The following AIF1L variants were observed in gnomAD, a reference collection of about 807,000 sequenced individuals.
AIF1L encodes allograft inflammatory factor 1 like, also known as allograft inflammatory factor 1-like.
AIF1L carries 12 observed loss-of-function variants against 20.7 expected under a neutral mutation model. The ratio of observed to expected loss-of-function variants is 0.58; its 90% CI spans 0.37 to 0.94. The LOEUF (loss-of-function observed/expected upper bound fraction) is 0.94. Ranked by LOEUF, AIF1L falls within the 40% of genes least tolerant of loss-of-function variation. The pLI is 0.01. For synonymous variants in AIF1L, 76 were observed against 65.1 expected (o/e 1.17, Z -0.81); for missense variants, 173 against 185.3 (o/e 0.93, Z 0.39).
At chr9:131,112,030 C>T (rs181000181) in intron 3 of AIF1L, 374 of 243,644 alleles carry the variant, frequency 1.5e-3, no homozygotes, top group African/African-American at 7.7e-3. Context: ...GCCTCTCCCC[C>T]TCCCCAGCAG....
chr9:131,121,224 T>A lies in AIF1L; in HGVS notation c.*902T>A, dbSNP rs1831131685. ...TACAAGGTTGCTTGTCTGACCCCAA[T>A]CTGCTTGAAACCTGACTCTGCTTCT... is the stretch of plus-strand genomic sequence containing the variant. On this transcript the variant is annotated 3_prime_UTR_variant, in exon 6 of 6. Coordinates refer to ENST00000247291, the MANE Select transcript of AIF1L (RefSeq NM_031426.4). 1 of 663,336 alleles carries A rather than the reference T, an allele frequency of 1.5e-6. No individual in the cohort carries two copies. The highest frequency in any genetic ancestry group is 1.8e-5 in the African/African-American group (1 of 56,408). The allele number at this position is 663,336 out of a possible 1,614,324, so 41.1% of individuals were successfully genotyped here. A position where few individuals can be genotyped will look rare whatever the true frequency, so the allele number is the denominator to read the frequency against.
rs1231517508 is a variant in AIF1L, at chr9:131,121,081, A to C, written c.*759A>C. On this transcript the variant is annotated 3_prime_UTR_variant, in exon 6 of 6. Transcript: ENST00000247291. ...AGTGAGGCCTGGGGTTTTGGGGGAAAGGTCAGCTCAGTGCTGTTCCACCTT... is the reference window on the plus strand; with the variant it reads ...AGTGAGGCCTGGGGTTTTGGGGGAACGGTCAGCTCAGTGCTGTTCCACCTT... 2 of 712,178 alleles carry C rather than the reference A, an allele frequency of 2.8e-6. No homozygotes were observed. The highest frequency in any genetic ancestry group is 1.7e-5 in the African/African-American group (1 of 57,334). The allele number at this position is 712,178 out of a possible 1,614,324, so 44.1% of individuals were successfully genotyped here.
At chr9:131,103,402 G>T (rs1421437520) in intron 2 of AIF1L, among the ~76,000 whole-genome samples, 1 of 152,138 alleles carries the variant, frequency 6.6e-6, no homozygotes, top group East Asian at 1.9e-4. Context: ...CCCTTCCCCC[G>T]CACACACACC....
chr9:131,101,055 G>A (rs772716805), intron 2 of AIF1L, among the ~76,000 whole-genome samples: 8 of 151,808 alleles, frequency 5.3e-5, no homozygotes, highest in Admixed American at 1.3e-4. Context: ...GCACCACCAC[G>A]CCCGGCTAAT....
chr9:131,104,105 A>AC (rs968342706), intron 2 of AIF1L, among the ~76,000 whole-genome samples: 2 of 151,574 alleles, frequency 1.3e-5, no homozygotes, highest in African/African-American at 2.4e-5. Context: ...CCTGTGTGTC[A>AC]CCCCCCAGCT....
chr9:131,111,845 C>A, intron 3 of AIF1L, 182 bp downstream of exon 3: 1 of 581,604 alleles, frequency 1.7e-6, no homozygotes. Context: ...GAGGCCCCTC[C>A]ACCTGCCTCC....
chr9:131,099,995 A>G (rs934592270), intron 2 of AIF1L, among the ~76,000 whole-genome samples: 6 of 151,992 alleles, frequency 3.9e-5, no homozygotes, highest in African/African-American at 1.4e-4. Context: ...CCAAAGTGCT[A>G]GGATTACAGG....
intron 2 of AIF1L, chr9:131,111,317 G>A: frequency 5.3e-6 from 2 of 376,182 alleles, no homozygotes; most frequent in Non-Finnish European, 9.6e-6. Flanking sequence ...GAGGGGCACG[G>A]GTCCCAGCAT....
chr9:131,106,307 G>A lies in AIF1L; in HGVS notation c.94-5290G>A, dbSNP rs1335919586. On this transcript the variant is annotated intron_variant, in intron 2 of 5. Transcript: ENST00000247291. The stretch of plus-strand genomic sequence containing the variant: ...GAGTCTCAACTCCTCCACTCATCCT[G>A]CACATGTTTATTGAGCGTCTGCTAT... 8.9e-6 allele frequency: 12 copies of A among 1,352,086 alleles called. No individual in the cohort carries two copies. The South Asian group carries it at 1.0e-4, about 11-fold the overall frequency. 83.8% of individuals were successfully genotyped at this position (1,352,086 alleles called of 1,614,324 possible).
At chr9:131,118,998 G>A (rs552421939) in intron 5 of AIF1L, among the ~76,000 whole-genome samples, 32 of 152,332 alleles carry the variant, frequency 2.1e-4, no homozygotes, top group African/African-American at 7.5e-4. Context: ...TTAGGTCTGC[G>A]AGTCTCAGTT....
rs557223276 is a variant in AIF1L at position 131,121,334 on chromosome 9, T to C, written c.*1012T>C. ...TATTTATTGACCTGCTATTATAAGCTTTACATCCTCCCATGTTGTCCTGGC... is the reference window on the plus strand; with the variant it reads ...TATTTATTGACCTGCTATTATAAGCCTTACATCCTCCCATGTTGTCCTGGC... On this transcript the variant is annotated 3_prime_UTR_variant, in exon 6 of 6. Transcript: ENST00000247291. The C allele has an allele frequency of 3.6e-6, 2 of 548,130 alleles. No homozygotes were observed. Among genetic ancestry groups the C allele is most frequent in the Non-Finnish European group, 6.6e-6 (2 of 305,070 alleles). The allele number at this position is 548,130 out of a possible 1,614,324, so 34.0% of individuals were successfully genotyped here.
At chr9:131,118,249 T>C (rs571958046) in intron 5 of AIF1L, among the ~76,000 whole-genome samples, 87 of 151,864 alleles carry the variant, frequency 5.7e-4, no homozygotes, top group African/African-American at 2.1e-3. Flanking sequence ...TGCACCACTA[T>C]GCTTGGCTAA....
At chr9:131,103,171 C>T (rs1830674689) in intron 2 of AIF1L, among the ~76,000 whole-genome samples, 1 of 152,194 alleles carries the variant, frequency 6.6e-6, no homozygotes, top group South Asian at 2.1e-4. Flanking sequence ...GCATCAGAGG[C>T]TGTAGGTGAC....
chr9:131,100,227 G>A (rs1031078699), intron 2 of AIF1L, among the ~76,000 whole-genome samples: 14 of 152,122 alleles, frequency 9.2e-5, no homozygotes, highest in African/African-American at 3.1e-4. Context: ...TTATTATAAG[G>A]GATTCAAGAG....
intron 5 of AIF1L, among the ~76,000 whole-genome samples, chr9:131,119,565 A>G (rs1831092097): frequency 6.6e-6 from 1 of 152,066 alleles, no homozygotes; most frequent in African/African-American, 2.4e-5. Context: ...ATGAAATAAG[A>G]TTCACTTTTT....
chr9:131,111,433 A>G, intron 2 of AIF1L, 164 bp from the exon 3 acceptor site: 1 of 682,970 alleles, frequency 1.5e-6, no homozygotes, highest in Non-Finnish European at 2.6e-6. Context: ...GCCAGTGCAG[A>G]TCTGCCTCCA....
At chr9:131,111,776 C>T (rs2133393387) in intron 3 of AIF1L, 113 bp downstream of exon 3, 1 of 1,071,080 alleles carries the variant, frequency 9.3e-7, no homozygotes, top group Non-Finnish European at 1.4e-6. Flanking sequence ...CCTGTTTTGT[C>T]CAGAATGCCC....
chr9:131,103,998 G>A (rs1309061523), intron 2 of AIF1L, among the ~76,000 whole-genome samples: 3 of 152,204 alleles, frequency 2.0e-5, no homozygotes, highest in Admixed American at 2.0e-4. Context: ...GTCCCTTCTG[G>A]TTCTGTGGCT....
intron 3 of AIF1L, 52 bp downstream of exon 3, chr9:131,111,715 C>G (rs1354223150): frequency 1.3e-6 from 2 of 1,567,042 alleles, no homozygotes; most frequent in East Asian, 4.5e-5. Flanking sequence ...GTGGGCTGGC[C>G]CCTCATCCTT....
Sources: gnomAD v4.1 joint callset for allele counts (sites outside exome capture counted in the v4.1 genomes callset) on GRCh38, gnomAD v4.1.1 for gene constraint, MANE v1.5 for transcripts, NCBI Gene and HGNC (gene_info 2026-07-23, HGNC 2026-07-21) for gene names.